BCAT1: variants seen among roughly 807,000 people sequenced by gnomAD.
The protein encoded by BCAT1 is branched chain amino acid transaminase 1, also known as branched-chain-amino-acid aminotransferase, cytosolic.
BCAT1 carries 48 observed loss-of-function variants against 52.4 expected under a neutral mutation model. The observed-to-expected ratio is 0.92, with a 90% CI of 0.73 to 1.16. BCAT1 has a LOEUF of 1.16. Among genes scored for constraint, BCAT1 ranks in the 50% most tolerant of loss-of-function variants. The pLI, the probability that BCAT1 is intolerant of heterozygous loss-of-function variation, is 0.00. For missense variants in BCAT1, 451 were observed against 457.1 expected (o/e 0.99, Z 0.12); for synonymous variants, 167 against 161.3 (o/e 1.04, Z -0.27).
chr12:24,856,957 T>A (rs1413658625), intron 5 of BCAT1, among the ~76,000 whole-genome samples: 1 of 152,172 alleles, frequency 6.6e-6, no homozygotes, highest in Non-Finnish European at 1.5e-5. Flanking sequence ...CCAGAGGGTG[T>A]GAATTTTGGG....
intron 5 of BCAT1, among the ~76,000 whole-genome samples, chr12:24,865,893 T>C (rs1362002929): frequency 2.0e-5 from 3 of 152,214 alleles, no homozygotes; most frequent in Non-Finnish European, 1.5e-5. Flanking sequence ...TAAATTATGC[T>C]ACTGAGAGAT....
intron 9 of BCAT1, 90 bp from the exon 10 acceptor site, chr12:24,829,987 G>C (rs982598734): frequency 2.2e-6 from 2 of 916,818 alleles, no homozygotes; most frequent in South Asian, 1.8e-5. Context: ...GCTATACTAA[G>C]GCAATTCCAC....
intron 7 of BCAT1, among the ~76,000 whole-genome samples, chr12:24,838,514 T>TAC (rs35693867): frequency 0.023 from 3,437 of 151,034 alleles, 51 homozygotes; most frequent in Non-Finnish European, 0.036. Context: ...TATATATATG[T>TAC]ACACACACAC....
At chr12:24,838,867 TAGG>T (rs1022988881) in intron 7 of BCAT1, among the ~76,000 whole-genome samples, 5 of 152,180 alleles carry the variant, frequency 3.3e-5, no homozygotes, top group Non-Finnish European at 7.4e-5. Context: ...AAGTCATTTT[TAGG>T]AGATGAGGAA....
At chr12:24,902,791 C>A in intron 1 of BCAT1, 1 of 1,080,032 alleles carries the variant, frequency 9.3e-7, no homozygotes, top group South Asian at 1.6e-5. Flanking sequence ...GGCAGGGATG[C>A]GGGGAAGGGA....
chr12:24,858,042 T>C (rs992238547), intron 5 of BCAT1, among the ~76,000 whole-genome samples: 1 of 152,144 alleles, frequency 6.6e-6, no homozygotes, highest in African/African-American at 2.4e-5. Flanking sequence ...AATATAAAAA[T>C]GAGATCTGTA....
At chr12:24,934,392 C>A (rs1290597132) in intron 1 of BCAT1, among the ~76,000 whole-genome samples, 1 of 152,138 alleles carries the variant, frequency 6.6e-6, no homozygotes, top group Non-Finnish European at 1.5e-5. Context: ...TCAGGTAGTT[C>A]TTTATAGCAG....
In BCAT1 at chr12:24,810,108, T is replaced by C. The variant is rs1939634816; in HGVS notation, c.*7900A>G. 6.6e-6 allele frequency: 1 copy of C among 152,190 alleles called. No homozygotes were observed. The highest frequency in any genetic ancestry group is 1.5e-5 in the Non-Finnish European group (1 of 68,032). 9.4% of individuals were successfully genotyped at this position (152,190 alleles called of 1,614,324 possible). Reference sequence around the variant, plus strand: ...TAGTGACAAAGACCTTTGGAGAGAATGATCATGGGTTTTGATCAACACTGT... The same window carrying C: ...TAGTGACAAAGACCTTTGGAGAGAACGATCATGGGTTTTGATCAACACTGT... On this transcript the variant is annotated 3_prime_UTR_variant, in exon 11 of 11. Coordinates refer to ENST00000261192, the MANE Select transcript of BCAT1 (RefSeq NM_005504.7).
At chr12:24,884,418 C>T (rs1220701791) in intron 3 of BCAT1, among the ~76,000 whole-genome samples, 1 of 152,106 alleles carries the variant, frequency 6.6e-6, no homozygotes, top group Non-Finnish European at 1.5e-5. Flanking sequence ...TGAGACCTAT[C>T]GCACAGCATG....
rs528769253 is a variant in BCAT1, at chr12:24,812,348, A to T, written c.*5660T>A. 17 of 152,176 alleles carry T rather than the reference A, an allele frequency of 1.1e-4. No homozygotes were observed. The highest frequency in any genetic ancestry group is 3.6e-4 in the African/African-American group (15 of 41,562). The allele number at this position is 152,176 out of a possible 1,614,324, so 9.4% of individuals were successfully genotyped here. On this transcript the variant is annotated 3_prime_UTR_variant, in exon 11 of 11. Transcript: ENST00000261192. ...AAAGTCACAATCTACTTCTTGTCTA[A>T]ACTTATTATTTTATTTGGCCTCAAG...
At chr12:24,921,024 T>G (rs538226555) in intron 1 of BCAT1, among the ~76,000 whole-genome samples, 35 of 152,260 alleles carry the variant, frequency 2.3e-4, no homozygotes, top group Non-Finnish European at 4.1e-4. Context: ...AGCATGTGAA[T>G]GAATTTTTGC....
At chr12:24,912,109 C>T (rs1018062190) in intron 1 of BCAT1, among the ~76,000 whole-genome samples, 4 of 152,022 alleles carry the variant, frequency 2.6e-5, no homozygotes, top group Non-Finnish European at 1.5e-5. Flanking sequence ...ACAATCAAGA[C>T]GGAAAGGATT....
chr12:24,898,645 A>G (rs1943018471), intron 2 of BCAT1, among the ~76,000 whole-genome samples: 1 of 148,004 alleles, frequency 6.8e-6, no homozygotes, highest in African/African-American at 2.5e-5. Flanking sequence ...CCTCCCAGGT[A>G]GCTGGGATTA....
At chr12:24,851,178 C>T (rs1469528128) in intron 5 of BCAT1, among the ~76,000 whole-genome samples, 2 of 152,190 alleles carry the variant, frequency 1.3e-5, no homozygotes, top group Non-Finnish European at 2.9e-5. Flanking sequence ...CAAGGCAGGA[C>T]TCTTAGGTTA....
chr12:24,816,996 C>G lies in BCAT1; in HGVS notation c.*1012G>C, dbSNP rs1420198615. ...CTCAATGGCCCACCACTCACCTCTTCCTGCTGTGTGGCCCATGGCCTGGGG... is the reference window on the plus strand; with the variant it reads ...CTCAATGGCCCACCACTCACCTCTTGCTGCTGTGTGGCCCATGGCCTGGGG... On this transcript the variant is annotated 3_prime_UTR_variant, in exon 11 of 11. Transcript: ENST00000261192. The G allele has an allele frequency of 6.0e-6, 1 of 166,916 alleles. No homozygotes were observed. Among genetic ancestry groups the G allele is most frequent in the Non-Finnish European group, 1.3e-5 (1 of 78,318 alleles). 10.3% of individuals were successfully genotyped at this position (166,916 alleles called of 1,614,324 possible).
rs1040776788 is a variant in BCAT1 at position 24,814,799 on chromosome 12, T to C, written c.*3209A>G. 1 of 58,540 alleles carries C rather than the reference T, an allele frequency of 1.7e-5. No homozygotes were observed. The highest frequency in any genetic ancestry group is 4.1e-5 in the Non-Finnish European group (1 of 24,274). 3.6% of individuals were successfully genotyped at this position (58,540 alleles called of 1,614,324 possible). On this transcript the variant is annotated 3_prime_UTR_variant, in exon 11 of 11. Coordinates refer to ENST00000261192, the MANE Select transcript of BCAT1 (RefSeq NM_005504.7). ...TTGCTACTGCCTGCCTCTGCCTCTGTTTGTTTTTTTTTTTTTTTTTTGTCT... is the reference window on the plus strand; with the variant it reads ...TTGCTACTGCCTGCCTCTGCCTCTGCTTGTTTTTTTTTTTTTTTTTTGTCT...
chr12:24,929,472 A>T (rs1943646846), intron 1 of BCAT1, among the ~76,000 whole-genome samples: 1 of 152,232 alleles, frequency 6.6e-6, no homozygotes, highest in Non-Finnish European at 1.5e-5. Flanking sequence ...GACACTGTAG[A>T]CACAGGAGTA....
At chr12:24,865,085 C>T (rs1326366355) in intron 5 of BCAT1, among the ~76,000 whole-genome samples, 1 of 152,212 alleles carries the variant, frequency 6.6e-6, no homozygotes, top group Non-Finnish European at 1.5e-5. Context: ...CTTTTCATCT[C>T]TATCTACAGT....
intron 5 of BCAT1, among the ~76,000 whole-genome samples, chr12:24,874,200 G>A (rs554143029): frequency 1.3e-4 from 20 of 152,132 alleles, no homozygotes; most frequent in Non-Finnish European, 2.4e-4. Context: ...TGTAGTCCCC[G>A]CTAATCAGGA....
Sources: allele counts gnomAD v4.1 joint callset (sites outside exome capture counted in the v4.1 genomes callset), GRCh38; gene constraint gnomAD v4.1.1; transcripts MANE v1.5; gene names NCBI Gene and HGNC (gene_info 2026-07-23, HGNC 2026-07-21).